Variants in TGFBR3 observed in about 807,000 individuals in gnomAD.
TGFBR3 encodes the protein transforming growth factor beta receptor 3.
In TGFBR3, 46 loss-of-function variants were observed where a neutral mutation model predicts 87.9. The observed-to-expected ratio is 0.52, with a 90% CI of 0.41 to 0.67. The LOEUF (loss-of-function observed/expected upper bound fraction) is 0.67, where lower values mean the gene tolerates loss of function less well. Ranked by LOEUF, TGFBR3 falls within the 30% of genes least tolerant of loss-of-function variation. The pLI, the probability that TGFBR3 is intolerant of heterozygous loss-of-function variation, is 0.00. For synonymous variants in TGFBR3, 381 were observed against 391.6 expected, an observed-to-expected ratio of 0.97 and a Z score of 0.32; for missense variants, 866 against 1,041.9, an observed-to-expected ratio of 0.83 and a Z score of 2.32.
At chr1:91,847,053 C>T (rs902426516) in intron 2 of TGFBR3, among the ~76,000 whole-genome samples, 2 of 152,154 alleles carry the variant, frequency 1.3e-5, no homozygotes, top group African/African-American at 4.8e-5. Context: ...TTGTACGCTG[C>T]CTCTCCAAAA....
rs139240534 is a variant in TGFBR3, at chr1:91,847,769, C to G, written c.61+13702G>C. On this transcript the variant is annotated intron_variant, in intron 2 of 16. Coordinates refer to ENST00000212355, the MANE Select transcript of TGFBR3 (RefSeq NM_003243.5). ...ACCTAAAGTCCCCCTTTTATCCACT[C>G]AGCCCATATCACCTCTCATTACCGA... 2.1e-4 allele frequency among the ~76,000 whole-genome samples: 32 copies of G among 152,186 alleles called. No individual in the cohort carries two copies. In the East Asian group the frequency reaches 5.8e-3, roughly 28 times the overall value.
intron 4 of TGFBR3, among the ~76,000 whole-genome samples, chr1:91,742,002 C>T (rs1231865461): frequency 6.6e-6 from 1 of 152,266 alleles, no homozygotes; most frequent in African/African-American, 2.4e-5. Flanking sequence ...CTCCCACATA[C>T]CCAAGAACTA....
intron 1 of TGFBR3, among the ~76,000 whole-genome samples, chr1:91,883,764 T>A (rs1191379570): frequency 2.0e-5 from 3 of 147,390 alleles, no homozygotes; most frequent in African/African-American, 7.5e-5. Context: ...TTGACAAATG[T>A]CAAACTGAAG....
At chr1:91,735,002 G>A (rs755246633) in intron 4 of TGFBR3, 43 bp from the exon 5 acceptor site, 14 of 1,606,704 alleles carry the variant, frequency 8.7e-6, no homozygotes, top group African/African-American at 4.0e-5. Flanking sequence ...TGCAGTCACC[G>A]GAGCTGAATC....
chr1:91,831,329 C>T (rs534178944), intron 2 of TGFBR3, among the ~76,000 whole-genome samples: 11 of 152,184 alleles, frequency 7.2e-5, no homozygotes, highest in East Asian at 1.9e-4. Flanking sequence ...TGAGCATAAA[C>T]GTCACTTAGT....
chr1:91,878,502 C>T (rs1411735164), intron 1 of TGFBR3, among the ~76,000 whole-genome samples: 2 of 152,140 alleles, frequency 1.3e-5, no homozygotes, highest in Non-Finnish European at 2.9e-5. Flanking sequence ...TTTCCATTAG[C>T]AAAATAGTAT....
At chr1:91,890,601 G>C (rs1202179804), upstream of TGFBR3, among the ~76,000 whole-genome samples, 2 of 151,660 alleles carry the variant, frequency 1.3e-5, no homozygotes, top group Admixed American at 6.6e-5. Context: ...TGTATTTTTA[G>C]TAGAGACAAG....
At chr1:91,737,271 T>C (rs770005207) in intron 4 of TGFBR3, among the ~76,000 whole-genome samples, 2 of 152,064 alleles carry the variant, frequency 1.3e-5, no homozygotes, top group Non-Finnish European at 2.9e-5. Context: ...CAGCAAGGAG[T>C]GAGCTAGCAC....
At chr1:91,853,324 G>C (rs1338453614) in intron 2 of TGFBR3, among the ~76,000 whole-genome samples, 2 of 144,338 alleles carry the variant, frequency 1.4e-5, no homozygotes, top group African/African-American at 2.6e-5. Context: ...TTTTCAGTTT[G>C]CTTTGAACCT....
chr1:91,821,411 C>A (rs1436099562), intron 2 of TGFBR3, among the ~76,000 whole-genome samples: 1 of 150,518 alleles, frequency 6.6e-6, no homozygotes, highest in Admixed American at 6.6e-5. Context: ...AATGCTTTTA[C>A]TGTGCAAATG....
chr1:91,724,201 C>T (rs1672470384), intron 7 of TGFBR3, among the ~76,000 whole-genome samples: 2 of 151,870 alleles, frequency 1.3e-5, no homozygotes, highest in East Asian at 1.9e-4. Flanking sequence ...GAAAAAAACT[C>T]CTTAGGGTAA....
chr1:91,716,186 C>T, intron 12 of TGFBR3, 50 bp downstream of exon 12: 1 of 1,611,238 alleles, frequency 6.2e-7, no homozygotes, highest in Non-Finnish European at 8.5e-7. Flanking sequence ...GTCTAAGGAA[C>T]TATAGCCCAG....
chr1:91,820,825 T>G (rs1167621118), intron 2 of TGFBR3, among the ~76,000 whole-genome samples: 2 of 152,320 alleles, frequency 1.3e-5, no homozygotes, highest in East Asian at 3.9e-4. Context: ...ATGATACAAT[T>G]TATTAACCTT....
Position 91,758,728 on chromosome 1 carries a change from A to G in TGFBR3, c.269T>C (p.Ile90Thr). ...CTTGTGGTGGATGTGGACTGAGGAG[A>G]TGGGATTCAGGTGAAGTGTGACCTA... The part of the protein sequence containing the change: ...QREVTLHLNP[I>T]SSVHIHHKSV... Residue 90 changes from isoleucine to threonine, a missense_variant, in exon 4 of 17, where the codon ATC becomes ACC. Coordinates refer to ENST00000212355, the MANE Select transcript of TGFBR3 (RefSeq NM_003243.5). 2 of 1,613,950 alleles carry G rather than the reference A, an allele frequency of 1.2e-6. No homozygotes were observed. The highest frequency in any genetic ancestry group is 1.7e-6 in the Non-Finnish European group (2 of 1,179,896).
chr1:91,888,695 G>A (rs1228230195), upstream of TGFBR3, among the ~76,000 whole-genome samples: 1 of 152,070 alleles, frequency 6.6e-6, no homozygotes, highest in Non-Finnish European at 1.5e-5. Flanking sequence ...GCAACACTCT[G>A]TCTCAAAAAA....
At chr1:91,902,375 C>G (rs1017320886) in intron 1 of TGFBR3, among the ~76,000 whole-genome samples, 3 of 151,806 alleles carry the variant, frequency 2.0e-5, no homozygotes, top group Non-Finnish European at 4.4e-5. Context: ...AACTCTCGGA[C>G]TCAAGCAATC....
chr1:91,735,381 C>A (rs902917271), intron 4 of TGFBR3, among the ~76,000 whole-genome samples: 3 of 152,216 alleles, frequency 2.0e-5, no homozygotes, highest in African/African-American at 7.2e-5. Context: ...CTGCTAGCAA[C>A]TGATCACGAC....
intron 2 of TGFBR3, among the ~76,000 whole-genome samples, chr1:91,847,775 A>G (rs1174744840): frequency 1.3e-5 from 2 of 152,052 alleles, no homozygotes; most frequent in Admixed American, 6.6e-5. Flanking sequence ...CACTCAGCCC[A>G]TATCACCTCT....
chr1:91,706,942 T>C (rs1571425556), intron 14 of TGFBR3, among the ~76,000 whole-genome samples: 1 of 152,224 alleles, frequency 6.6e-6, no homozygotes, highest in African/African-American at 2.4e-5. Flanking sequence ...CTGGGTCTAT[T>C]ATAACTTTCA....
Sources: gnomAD v4.1 joint callset for allele counts (sites outside exome capture counted in the v4.1 genomes callset) on GRCh38, gnomAD v4.1.1 for gene constraint, MANE v1.5 for transcripts, NCBI Gene and HGNC (gene_info 2026-07-23, HGNC 2026-07-21) for gene names.